The following TSPAN7 variants were observed in gnomAD, a reference collection of about 807,000 sequenced individuals.
TSPAN7 encodes tetraspanin-7.
Under a neutral mutation model 17.6 loss-of-function variants are expected in TSPAN7, and 1 was observed. The observed-to-expected ratio is 0.06, with a 90% CI of 0.02 to 0.27. The LOEUF (loss-of-function observed/expected upper bound fraction) is 0.27. Among genes scored for constraint, TSPAN7 ranks in the 10% least tolerant of loss-of-function variants. TSPAN7 has a pLI of 1.00. For missense variants in TSPAN7, 112 were observed against 201.7 expected, an observed-to-expected ratio of 0.56 and a Z score of 2.69; for synonymous variants, 78 against 79.0, an observed-to-expected ratio of 0.99 and a Z score of 0.07.
chrX:38,662,080 G>T (rs1404725583), intron 1 of TSPAN7, among the ~76,000 whole-genome samples: 1 of 111,367 alleles, frequency 9.0e-6, no homozygotes, highest in Non-Finnish European at 1.9e-5. Flanking sequence ...TGGATCTTTA[G>T]CCCTTTGCTT....
intron 1 of TSPAN7, among the ~76,000 whole-genome samples, chrX:38,643,434 C>A (rs1025216417): frequency 9.1e-6 from 1 of 110,492 alleles, no homozygotes; most frequent in Non-Finnish European, 1.9e-5. Context: ...ACTAAAATCT[C>A]CCCAATTTTA....
At position 38,681,247 on chromosome X, in the gene TSPAN7, G is replaced by A. The variant is rs2069889337; in HGVS notation, c.641G>A (p.Gly214Glu). ...LVTSFMETNM[G>E]IIAGVAFGIA... is the part of the protein sequence containing the mutation. ...ACTAGTTTCATGGAGACTAACATGG[G>A]AATCATCGCTGGAGTGGCGTTTGGA... Residue 214 changes from glycine (G) to glutamate (E), a missense_variant, in exon 6 of 8, where the codon GGA becomes GAA. Gly to Glu is a moderately conservative substitution (Grantham distance 98, BLOSUM62 -2). Transcript: ENST00000378482. The A allele has an allele frequency of 8.3e-7, 1 of 1,208,872 alleles. No homozygotes were observed. Among genetic ancestry groups the A allele is most frequent in the Admixed American group, 2.2e-5 (1 of 45,721 alleles).
At chrX:38,583,585 G>A (rs2069239061) in intron 1 of TSPAN7, among the ~76,000 whole-genome samples, 1 of 112,123 alleles carries the variant, frequency 8.9e-6, no homozygotes, top group Non-Finnish European at 1.9e-5. Flanking sequence ...TTAACTTCAA[G>A]CATTGATAAG....
intron 1 of TSPAN7, among the ~76,000 whole-genome samples, chrX:38,592,644 C>G (rs781725778): frequency 1.8e-5 from 2 of 110,684 alleles, no homozygotes; most frequent in African/African-American, 6.5e-5. Context: ...AGTCTATGAA[C>G]CCTGTGATAG....
At chrX:38,649,469 A>G (rs926965125) in intron 1 of TSPAN7, among the ~76,000 whole-genome samples, 3 of 112,443 alleles carry the variant, frequency 2.7e-5, no homozygotes, top group Non-Finnish European at 5.6e-5. Flanking sequence ...GTCACTTGGC[A>G]TGTAGCCTTA....
At chrX:38,636,075 GTTATTTAT>G (rs146991452) in intron 1 of TSPAN7, among the ~76,000 whole-genome samples, 418 of 102,374 alleles carry the variant, frequency 4.1e-3, no homozygotes, top group African/African-American at 0.013. Context: ...TTTTCATTTT[GTTATTTAT>G]TTATTTATTT....
chrX:38,687,490 A>G (rs2069933260), intron 6 of TSPAN7, 109 bp from the exon 7 acceptor site: 12 of 684,991 alleles, frequency 1.8e-5, no homozygotes. Context: ...TGATACGCAT[A>G]TGTCAAAAAT....
At chrX:38,604,737 A>G (rs1490724548) in intron 1 of TSPAN7, among the ~76,000 whole-genome samples, 1 of 110,952 alleles carries the variant, frequency 9.0e-6, no homozygotes, top group East Asian at 2.8e-4. Context: ...CATCCCTGGG[A>G]TGCAAGGCTG....
chrX:38,681,774 C>T (rs1416733501), intron 6 of TSPAN7, among the ~76,000 whole-genome samples: 3 of 111,729 alleles, frequency 2.7e-5, no homozygotes, highest in African/African-American at 6.5e-5. Flanking sequence ...TTTGGCTATT[C>T]GTAACAGGTT....
intron 1 of TSPAN7, among the ~76,000 whole-genome samples, chrX:38,574,379 G>A (rs2069183883): frequency 8.9e-6 from 1 of 112,027 alleles, no homozygotes; most frequent in African/African-American, 3.2e-5. Context: ...TGATAAGATG[G>A]ATGGATGTAA....
intron 5 of TSPAN7, among the ~76,000 whole-genome samples, chrX:38,676,097 G>A (rs150639073): frequency 2.5e-4 from 28 of 111,812 alleles, no homozygotes; most frequent in African/African-American, 7.5e-4. Context: ...ACCAGGCATA[G>A]TTAGGAAGGT....
At chrX:38,667,085 T>C (rs2069787712) in intron 2 of TSPAN7, among the ~76,000 whole-genome samples, 1 of 111,675 alleles carries the variant, frequency 9.0e-6, no homozygotes, top group African/African-American at 3.3e-5. Flanking sequence ...TCTCTGAACC[T>C]GTACTCCCTG....
At chrX:38,668,215 C>G (rs2069795777) in intron 2 of TSPAN7, among the ~76,000 whole-genome samples, 1 of 112,017 alleles carries the variant, frequency 8.9e-6, no homozygotes, top group Non-Finnish European at 1.9e-5. Context: ...GACTAAATCA[C>G]CAAAGTTTCT....
chrX:38,636,060 G>T lies in TSPAN7; in HGVS notation c.82-30061G>T, dbSNP rs985450847. Among the ~76,000 whole-genome samples, 8 of 99,041 alleles carry T rather than the reference G, an allele frequency of 8.1e-5. No homozygotes were observed. The Admixed American group carries it at 8.2e-4, about 10-fold the overall frequency. The allele number at this position is 99,041 out of a possible 115,157, so 86.0% of individuals were successfully genotyped here. A position where few individuals can be genotyped will look rare whatever the true frequency, so the allele number is the denominator to read the frequency against. On this transcript the variant is annotated intron_variant, in intron 1 of 7. Transcript: ENST00000378482. Reference sequence around the variant, plus strand: ...TAATTTTATGCATTTGCTAATTAGGGTTTTTTTTCATTTTGTTATTTATTT... The same window carrying T: ...TAATTTTATGCATTTGCTAATTAGGTTTTTTTTTCATTTTGTTATTTATTT...
chrX:38,596,687 A>G (rs1333050371), intron 1 of TSPAN7, among the ~76,000 whole-genome samples: 1 of 111,255 alleles, frequency 9.0e-6, no homozygotes, highest in East Asian at 2.8e-4. Context: ...CTTCTGAACC[A>G]GAAGTTACAT....
Position 38,666,293 on chromosome X carries a change from C to T in TSPAN7, c.254C>T (p.Pro85Leu). Reference sequence around the variant, plus strand: ...TGCTTTGCTACATGTCGTGGTAGCCCATGGATGCTGAAACTGGTGAGTATG... The same window carrying T: ...TGCTTTGCTACATGTCGTGGTAGCCTATGGATGCTGAAACTGGTGAGTATG... ...FGCFATCRGS[P>L]WMLKLYAMFL... The change falls in exon 2 of 8, where the codon CCA becomes CTA. Residue 85 changes from proline to leucine, a missense_variant. By Grantham distance (98) the Pro-to-Leu change is moderately conservative. Transcript: ENST00000378482. The T allele has an allele frequency of 8.3e-7, 1 of 1,211,166 alleles. No homozygotes were observed. Among genetic ancestry groups the T allele is most frequent in the Non-Finnish European group, 1.1e-6 (1 of 894,869 alleles).
At chrX:38,641,942 C>A (rs4827108) in intron 1 of TSPAN7, among the ~76,000 whole-genome samples, 1 of 112,315 alleles carries the variant, frequency 8.9e-6, no homozygotes, top group African/African-American at 3.2e-5. Context: ...CCTCATGCTG[C>A]TACTGCCTCT....
At chrX:38,625,440 C>A (rs1019931975) in intron 1 of TSPAN7, among the ~76,000 whole-genome samples, 3 of 111,647 alleles carry the variant, frequency 2.7e-5, no homozygotes, top group African/African-American at 9.8e-5. Context: ...GCAGAAGTAA[C>A]GTATGCCACC....
intron 1 of TSPAN7, among the ~76,000 whole-genome samples, chrX:38,653,013 G>C (rs940596956): frequency 8.9e-6 from 1 of 111,958 alleles, no homozygotes; most frequent in Non-Finnish European, 1.9e-5. Context: ...TTACACTGCC[G>C]CAAGAGGCAG....
Sources: allele counts gnomAD v4.1 joint callset (sites outside exome capture counted in the v4.1 genomes callset), GRCh38; gene constraint gnomAD v4.1.1; transcripts MANE v1.5; gene names NCBI Gene and HGNC (gene_info 2026-07-23, HGNC 2026-07-21).